DYNC2I2: variants seen among roughly 807,000 people sequenced by gnomAD.
DYNC2I2 encodes cytoplasmic dynein 2 intermediate chain 2.
A neutral mutation model predicts 52.0 loss-of-function variants in DYNC2I2; 39 were observed. The observed-to-expected ratio is 0.75, with a 90% CI of 0.58 to 0.98. DYNC2I2 has a LOEUF of 0.98. Among genes scored for constraint, DYNC2I2 ranks in the 50% least tolerant of loss-of-function variants. The pLI is 0.00. For synonymous variants in DYNC2I2, 359 were observed against 321.1 expected, an observed-to-expected ratio of 1.12 and a Z score of -1.26; for missense variants, 743 against 728.4, an observed-to-expected ratio of 1.02 and a Z score of -0.23.
At chr9:128,640,168 C>T (rs1042974693) in intron 2 of DYNC2I2, among the ~76,000 whole-genome samples, 10 of 152,078 alleles carry the variant, frequency 6.6e-5, no homozygotes, top group African/African-American at 9.7e-5. Flanking sequence ...CCACTACGCC[C>T]GGCTAATTTT....
chr9:128,673,749 G>GC, the DYNC2I2 span, among the ~76,000 whole-genome samples: 939 of 150,704 alleles, frequency 6.2e-3, 9 homozygotes, highest in African/African-American at 0.022. Flanking sequence ...CTCGTGATCC[G>GC]CCCCCCTAGG....
At chr9:128,647,203 C>T (rs1860631316) in intron 1 of DYNC2I2, among the ~76,000 whole-genome samples, 1 of 152,230 alleles carries the variant, frequency 6.6e-6, no homozygotes, top group African/African-American at 2.4e-5. Flanking sequence ...GCCACCATTA[C>T]TCTTTGTGCT....
the DYNC2I2 span, among the ~76,000 whole-genome samples, chr9:128,669,356 C>T: frequency 4.0e-5 from 6 of 149,222 alleles, no homozygotes; most frequent in Non-Finnish European, 8.9e-5. Flanking sequence ...CAGAGCGAGA[C>T]TCTGTCTCAA....
chr9:128,634,003 G>C, intron 8 of DYNC2I2, 21 bp from the exon 9 acceptor site: 1 of 1,611,918 alleles, frequency 6.2e-7, no homozygotes, highest in Non-Finnish European at 8.5e-7. Flanking sequence ...AGACAGATAC[G>C]TGGAGTAAGA....
intron 1 of DYNC2I2, among the ~76,000 whole-genome samples, chr9:128,653,369 G>A (rs927607130): frequency 3.3e-5 from 5 of 150,534 alleles, no homozygotes; most frequent in African/African-American, 1.2e-4. Context: ...TGAAAGGTCG[G>A]GAGTTCAAAA....
intron 1 of DYNC2I2, among the ~76,000 whole-genome samples, chr9:128,642,254 T>C (rs1207876200): frequency 7.9e-6 from 1 of 127,164 alleles, no homozygotes. Flanking sequence ...GCCACTACAC[T>C]CCAGCCTGAG....
the DYNC2I2 span, among the ~76,000 whole-genome samples, chr9:128,682,809 G>C: frequency 6.6e-6 from 1 of 150,620 alleles, no homozygotes; most frequent in African/African-American, 2.4e-5. Flanking sequence ...GTGAGTAGCT[G>C]GGACTACAGG....
chr9:128,640,706 G>A lies in DYNC2I2; in HGVS notation c.420C>T (p.Thr140=), dbSNP rs541654387. ...CATCCCCTACCATCTGCTGCTGCTC[G>A]GTCCAGTTCACCTCGAAGCCATCAA... ...HAFDGFEVNW[T]EQQQMVSCLY... is the part of the protein sequence containing the mutation. The change falls in exon 2 of 9, where the codon ACC becomes ACT. Residue 140 remains threonine (T), a synonymous_variant. Transcript: ENST00000372715. 1.8e-4 allele frequency: 294 copies of A among 1,613,972 alleles called. 1 individual carries two copies. The highest frequency in any genetic ancestry group is 1.7e-4 in the African/African-American group (13 of 75,032).
Position 128,636,925 on chromosome 9 carries a change from A to C in DYNC2I2, c.538T>G (p.Tyr180Asp). The C allele has an allele frequency of 6.2e-7, 1 of 1,611,612 alleles. No homozygotes were observed. The highest frequency in any genetic ancestry group is 2.2e-5 in the East Asian group (1 of 44,874). The part of the protein sequence containing the change: ...NSTGSVVACA[Y>D]GRLDHGDWST... ...TGCCCCGCTGCCACTCACCGGCCGTAGGCACAGGCCACCACAGAGCCAGTG... is the reference window on the plus strand; with the variant it reads ...TGCCCCGCTGCCACTCACCGGCCGTCGGCACAGGCCACCACAGAGCCAGTG... The change falls in exon 3 of 9, where the codon TAC becomes GAC. Residue 180 changes from tyrosine to aspartate, a missense_variant. Coordinates refer to ENST00000372715, the MANE Select transcript of DYNC2I2 (RefSeq NM_052844.4).
chr9:128,670,108 C>A, the DYNC2I2 span, among the ~76,000 whole-genome samples: 1 of 151,930 alleles, frequency 6.6e-6, no homozygotes, highest in Non-Finnish European at 1.5e-5. Context: ...CCACTGTACT[C>A]CAGCATGGGT....
the DYNC2I2 span, among the ~76,000 whole-genome samples, chr9:128,680,667 G>A: frequency 6.1e-5 from 9 of 146,698 alleles, no homozygotes; most frequent in African/African-American, 1.8e-4. Flanking sequence ...GTGAGCCACC[G>A]TGCCCAGCCT....
At position 128,635,198 on chromosome 9, in the gene DYNC2I2, T is replaced by TC. The variant is rs772957058; in HGVS notation, c.874dup (p.Asp292GlyfsTer55). On this transcript the variant is annotated frameshift_variant, in exon 6 of 9. Coordinates refer to ENST00000372715, the MANE Select transcript of DYNC2I2 (RefSeq NM_052844.4). LOFTEE classifies it high-confidence loss of function. ...GCCCTGCCAGAGTAGCACCTTCCCGTCGGTGGCCACACTCAGCACCTGGAA... is the reference window on the plus strand; with the variant it reads ...GCCCTGCCAGAGTAGCACCTTCCCGTCCGGTGGCCACACTCAGCACCTGGAA... The TC allele has an allele frequency of 6.2e-7, 1 of 1,613,356 alleles. No homozygotes were observed. Among genetic ancestry groups the TC allele is most frequent in the South Asian group, 1.1e-5 (1 of 91,082 alleles).
intron 1 of DYNC2I2, among the ~76,000 whole-genome samples, chr9:128,641,143 C>T (rs967024401): frequency 2.0e-5 from 3 of 152,114 alleles, no homozygotes; most frequent in Non-Finnish European, 2.9e-5. Context: ...AATCAGAGCA[C>T]CGTGTCCCTA....
At position 128,640,935 on chromosome 9, in the gene DYNC2I2, C is replaced by T. The variant is rs1860504700; in HGVS notation, c.191G>A (p.Ser64Asn). The change falls in exon 2 of 9, where the codon AGT (serine) becomes AAT (asparagine). Residue 64 changes from serine (S) to asparagine (N), a missense_variant. By Grantham distance (46) the Ser-to-Asn change is conservative (BLOSUM62 1). Coordinates refer to ENST00000372715, the MANE Select transcript of DYNC2I2 (RefSeq NM_052844.4). ...AVQGIRWETKSCQTASIATAS... is the reference protein window; with the variant it reads ...AVQGIRWETKNCQTASIATAS... ...AGTGGCAATGCTGGCCGTCTGGCAA[C>T]TTTTCTGGGGGGAGGGTGAAAACAA... The T allele has an allele frequency of 6.3e-7, 1 of 1,586,174 alleles. No homozygotes were observed. The highest frequency in any genetic ancestry group is 8.6e-7 in the Non-Finnish European group (1 of 1,163,446).
chr9:128,659,419 T>C (rs1860891954), upstream of DYNC2I2, among the ~76,000 whole-genome samples: 1 of 146,032 alleles, frequency 6.8e-6, no homozygotes, highest in Non-Finnish European at 1.5e-5. Context: ...GGCATGAACC[T>C]GGGAGGTGGA....
the DYNC2I2 span, among the ~76,000 whole-genome samples, chr9:128,680,482 A>C: frequency 6.6e-6 from 1 of 151,530 alleles, no homozygotes; most frequent in Non-Finnish European, 1.5e-5. Flanking sequence ...GGTTCACGCC[A>C]TTGTCCTGCC....
intron 7 of DYNC2I2, 108 bp downstream of exon 7, chr9:128,634,581 G>T: frequency 7.6e-7 from 1 of 1,321,972 alleles, no homozygotes. Flanking sequence ...GTCTCAGAGT[G>T]GGCAGAAGGC....
chr9:128,639,710 G>A (rs923568497), intron 2 of DYNC2I2, among the ~76,000 whole-genome samples: 1 of 152,058 alleles, frequency 6.6e-6, no homozygotes, highest in Non-Finnish European at 1.5e-5. Context: ...CTGTCACCCA[G>A]GCAGGAGTGC....
chr9:128,658,155 G>A (rs1860870807), upstream of DYNC2I2, among the ~76,000 whole-genome samples: 1 of 150,948 alleles, frequency 6.6e-6, no homozygotes, highest in Non-Finnish European at 1.5e-5. Flanking sequence ...ATCTGGGAAG[G>A]ATAGATGCTA....
Sources: gnomAD v4.1 joint callset for allele counts (sites outside exome capture counted in the v4.1 genomes callset) on GRCh38, gnomAD v4.1.1 for gene constraint, MANE v1.5 for transcripts, NCBI Gene and HGNC (gene_info 2026-07-23, HGNC 2026-07-21) for gene names.